Variants in EPSTI1 observed in about 807,000 individuals in gnomAD.
The protein encoded by EPSTI1 is epithelial-stromal interaction protein 1.
In EPSTI1, 66 loss-of-function variants were observed where a neutral mutation model predicts 49.9. The ratio of observed to expected loss-of-function variants is 1.32; its 90% confidence interval spans 1.08 to 1.62. The LOEUF is 1.62. Among genes scored for constraint, EPSTI1 ranks in the 40% most tolerant of loss-of-function variants. EPSTI1 has a pLI of 0.00. For missense variants in EPSTI1, 394 were observed against 365.5 expected, an observed-to-expected ratio of 1.08 and a Z score of -0.64; for synonymous variants, 137 against 130.7, an observed-to-expected ratio of 1.05 and a Z score of -0.33.
chr13:42,916,275 A>T, intron 8 of EPSTI1, among the ~76,000 whole-genome samples: 1 of 73,150 alleles, frequency 1.4e-5, no homozygotes, highest in Non-Finnish European at 4.1e-5. Flanking sequence ...ATTTATTTAA[A>T]AAAAAAAAAA....
intron 8 of EPSTI1, among the ~76,000 whole-genome samples, chr13:42,914,366 GA>G (rs1425344566): frequency 6.6e-6 from 1 of 151,926 alleles, no homozygotes; most frequent in African/African-American, 2.4e-5. Context: ...TTTGCCAATA[GA>G]ATGAATGAAT....
chr13:42,936,065 C>T (rs1177969178), intron 6 of EPSTI1, among the ~76,000 whole-genome samples: 1 of 152,112 alleles, frequency 6.6e-6, no homozygotes, highest in Non-Finnish European at 1.5e-5. Context: ...AGACTGCTTC[C>T]TCAATTATAA....
chr13:42,988,089 G>T (rs1280140217), intron 1 of EPSTI1, among the ~76,000 whole-genome samples: 2 of 152,110 alleles, frequency 1.3e-5, no homozygotes, highest in African/African-American at 4.8e-5. Flanking sequence ...CAAGCTAAAG[G>T]ACCAGGTATG....
intron 1 of EPSTI1, 145 bp from the exon 2 acceptor site, chr13:42,970,815 T>G (rs1388974561): frequency 1.6e-6 from 1 of 633,996 alleles, no homozygotes; most frequent in African/African-American, 1.8e-5. Context: ...CTTAAGACCC[T>G]GATCTGTTCT....
chr13:42,974,021 A>T (rs2039822673), intron 1 of EPSTI1, among the ~76,000 whole-genome samples: 1 of 152,234 alleles, frequency 6.6e-6, no homozygotes, highest in Non-Finnish European at 1.5e-5. Flanking sequence ...CACCATAAGA[A>T]ACATAAAATA....
intron 10 of EPSTI1, among the ~76,000 whole-genome samples, chr13:42,890,553 C>T (rs986227994): frequency 3.9e-5 from 6 of 152,168 alleles, no homozygotes; most frequent in Non-Finnish European, 8.8e-5. Context: ...CCACCTCGGC[C>T]TCCCAATGTG....
At chr13:42,956,185 G>A (rs762476422) in intron 5 of EPSTI1, among the ~76,000 whole-genome samples, 1 of 152,170 alleles carries the variant, frequency 6.6e-6, no homozygotes, top group Non-Finnish European at 1.5e-5. Flanking sequence ...GTAACTCAAT[G>A]CCTACTTAAT....
chr13:42,983,706 C>G (rs1187147392), intron 1 of EPSTI1, among the ~76,000 whole-genome samples: 3 of 146,798 alleles, frequency 2.0e-5, no homozygotes, highest in Non-Finnish European at 4.5e-5. Flanking sequence ...CTGGTTCTGT[C>G]ACTCAAAAAG....
intron 1 of EPSTI1, among the ~76,000 whole-genome samples, chr13:42,986,189 C>T (rs994995153): frequency 1.3e-5 from 2 of 152,216 alleles, no homozygotes; most frequent in Non-Finnish European, 2.9e-5. Context: ...GCTGACTATG[C>T]TCCCCACTGT....
intron 8 of EPSTI1, among the ~76,000 whole-genome samples, chr13:42,911,503 T>G (rs891847027): frequency 6.6e-6 from 1 of 152,218 alleles, no homozygotes; most frequent in Admixed American, 6.5e-5. Context: ...CAGAAATCAC[T>G]TGCATTTTCA....
intron 1 of EPSTI1, among the ~76,000 whole-genome samples, chr13:42,984,071 G>T (rs1220444893): frequency 6.6e-6 from 1 of 152,172 alleles, no homozygotes; most frequent in African/African-American, 2.4e-5. Flanking sequence ...TCATTAGGAA[G>T]AGTTAAATAC....
chr13:42,963,234 A>T (rs1594737512), intron 5 of EPSTI1, 21 bp downstream of exon 5: 1 of 1,591,856 alleles, frequency 6.3e-7, no homozygotes, highest in East Asian at 2.2e-5. Flanking sequence ...GCAAATGTGA[A>T]CTAATCCTCC....
rs141591889 is a variant in EPSTI1, at chr13:42,888,635, A to G, written c.916-133T>C. On this transcript the variant is annotated intron_variant, in intron 10 of 10. Coordinates refer to ENST00000313624, the MANE Select transcript of EPSTI1 (RefSeq NM_033255.5). ...AAATGACCATTTTTTAAAATTAACA[A>G]CTTAAATGACCATTGAAACGATTTG... 357 of 863,312 alleles carry G rather than the reference A, an allele frequency of 4.1e-4. No individual in the cohort carries two copies. The African/African-American group carries it at 5.5e-3, about 13-fold the overall frequency. 53.5% of individuals were successfully genotyped at this position (863,312 alleles called of 1,614,324 possible). A position where few individuals can be genotyped will look rare whatever the true frequency, so the allele number is the denominator to read the frequency against.
At chr13:42,947,580 A>G (rs1319210877) in intron 6 of EPSTI1, among the ~76,000 whole-genome samples, 3 of 152,174 alleles carry the variant, frequency 2.0e-5, no homozygotes, top group Non-Finnish European at 4.4e-5. Context: ...TTAAGAGGTG[A>G]GCATTTGCAA....
In EPSTI1 at chr13:42,888,506, G is replaced by C; in HGVS notation, c.916-4C>G. 1.3e-6 allele frequency: 2 copies of C among 1,580,280 alleles called. No homozygotes were observed. The highest frequency in any genetic ancestry group is 1.7e-6 in the Non-Finnish European group (2 of 1,165,430). On this transcript the variant is annotated splice_region_variant and splice_polypyrimidine_tract_variant and intron_variant, in intron 10 of 10. Transcript: ENST00000313624. ...AGTCAATATTTTCTCATATACCCTG[G>C]AAGAAAAAGAAAACAAAAATTACTG...
At chr13:42,968,925 C>T (rs866360825) in intron 3 of EPSTI1, among the ~76,000 whole-genome samples, 169 bp downstream of exon 3, 11,216 of 95,890 alleles carry the variant, frequency 0.12, 587 homozygotes, top group Non-Finnish European at 0.17. Context: ...AAAAAATACA[C>T]ACACACACAC....
chr13:42,924,215 C>T (rs1354925559), intron 7 of EPSTI1, among the ~76,000 whole-genome samples: 2 of 152,120 alleles, frequency 1.3e-5, no homozygotes, highest in Non-Finnish European at 2.9e-5. Context: ...ATATATTGAA[C>T]ACTGAAACCG....
intron 7 of EPSTI1, among the ~76,000 whole-genome samples, chr13:42,925,815 A>G (rs186322460): frequency 1.3e-5 from 2 of 152,254 alleles, no homozygotes; most frequent in Admixed American, 6.5e-5. Context: ...CCCAAGAAGC[A>G]TCTAACGCAC....
chr13:42,920,193 T>A (rs6561092), intron 7 of EPSTI1, among the ~76,000 whole-genome samples: 26,755 of 152,142 alleles, frequency 0.18, 2,675 homozygotes, highest in East Asian at 0.4. Context: ...GGGTCAGGGC[T>A]TCCACATAAA....
Sources: allele counts gnomAD v4.1 joint callset (sites outside exome capture counted in the v4.1 genomes callset), GRCh38; gene constraint gnomAD v4.1.1; transcripts MANE v1.5; gene names NCBI Gene and HGNC (gene_info 2026-07-23, HGNC 2026-07-21).